DDX4: variants seen among roughly 807,000 people sequenced by gnomAD.
DDX4 encodes the protein probable ATP-dependent RNA helicase DDX4.
Under a neutral mutation model 100.0 loss-of-function variants are expected in DDX4, and 25 were observed. That is an observed-to-expected ratio of 0.25 (90% CI 0.18 to 0.35). The LOEUF is 0.35. Among genes scored for constraint, DDX4 ranks in the 10% least tolerant of loss-of-function variants. The pLI is 1.00. For synonymous variants in DDX4, 259 were observed against 275.7 expected, an observed-to-expected ratio of 0.94 and a Z score of 0.60; for missense variants, 635 against 882.4, an observed-to-expected ratio of 0.72 and a Z score of 3.55.
chr5:55,783,662 GATGGATGGATGGATGAATGGATGGATGA>G (rs544324277), intron 10 of DDX4, among the ~76,000 whole-genome samples: 12,502 of 147,952 alleles, frequency 0.085, 981 homozygotes, highest in East Asian at 0.27. Context: ...TGGATGGATG[GATGGATGGATGGATGAATGGATGGATGA>G]ATGGATGGAT....
intron 7 of DDX4, chr5:55,773,063 C>T (rs1355891413): frequency 6.6e-6 from 1 of 152,192 alleles, no homozygotes; most frequent in Non-Finnish European, 1.5e-5. Flanking sequence ...TTGTAAACAA[C>T]AGAAATTTAT....
intron 18 of DDX4, among the ~76,000 whole-genome samples, chr5:55,811,295 T>C (rs561831838): frequency 1.3e-5 from 2 of 152,296 alleles, no homozygotes; most frequent in African/African-American, 4.8e-5. Flanking sequence ...TTATCTTTCA[T>C]TGTGCTTTTT....
In DDX4 at chr5:55,816,658, CACTCCT is replaced by C; in HGVS notation, c.*121_*126del. 2 of 1,447,626 alleles carry C rather than the reference CACTCCT, an allele frequency of 1.4e-6. No individual in the cohort carries two copies. Among genetic ancestry groups the C allele is most frequent in the Non-Finnish European group, 9.1e-7 (1 of 1,095,474 alleles). 89.7% of individuals were successfully genotyped at this position (1,447,626 alleles called of 1,614,324 possible). On this transcript the variant is annotated 3_prime_UTR_variant, in exon 22 of 22. Transcript: ENST00000505374. Reference sequence around the variant, plus strand: ...CTCATAGCTCCTGTCCTTGTATTCTCACTCCTACACTTAAAAAAAAAATCCTTACTG... The same window carrying C: ...CTCATAGCTCCTGTCCTTGTATTCTCACACTTAAAAAAAAAATCCTTACTG...
intron 15 of DDX4, among the ~76,000 whole-genome samples, chr5:55,789,738 G>A (rs751838028): frequency 1.3e-5 from 2 of 152,134 alleles, no homozygotes; most frequent in Non-Finnish European, 2.9e-5. Flanking sequence ...AATGAAACAC[G>A]GGATTCTTCT....
At position 55,763,164 on chromosome 5, in the gene DDX4, C is replaced by G. The variant is rs3761776; in HGVS notation, c.206-11C>G. 4 of 1,586,816 alleles carry G rather than the reference C, an allele frequency of 2.5e-6. No homozygotes were observed. Among genetic ancestry groups the G allele is most frequent in the Middle Eastern group, 1.7e-4 (1 of 5,974 alleles). ...ATATGTTAAAGAGTTTAACTGTCCACCCTTTTTCAGATGCTGGTGAGTGTA... is the reference window on the plus strand; with the variant it reads ...ATATGTTAAAGAGTTTAACTGTCCAGCCTTTTTCAGATGCTGGTGAGTGTA... On this transcript the variant is annotated splice_polypyrimidine_tract_variant and intron_variant, in intron 4 of 21. Transcript: ENST00000505374.
chr5:55,773,340 A>T (rs914965599), intron 7 of DDX4: 4 of 152,348 alleles, frequency 2.6e-5, no homozygotes, highest in African/African-American at 9.6e-5. Context: ...ATCATGGCTA[A>T]TGCTGCCGTA....
chr5:55,816,434 C>CTTTTT, intron 21 of DDX4, 29 bp from the exon 22 acceptor site: 1 of 1,441,502 alleles, frequency 6.9e-7, no homozygotes. Context: ...TTGTTTGTTT[C>CTTTTT]TTTTTTTTTT....
intron 12 of DDX4, 53 bp from the exon 13 acceptor site, chr5:55,785,676 T>C (rs1561502106): frequency 1.5e-5 from 23 of 1,505,296 alleles, no homozygotes; most frequent in Non-Finnish European, 1.9e-5. Flanking sequence ...TTTTCTCTTA[T>C]ATTTTCTTGT....
intron 5 of DDX4, 23 bp from the exon 6 acceptor site, chr5:55,763,991 G>T: frequency 6.4e-7 from 1 of 1,572,090 alleles, no homozygotes; most frequent in Non-Finnish European, 8.7e-7. Context: ...ACAGGAAATT[G>T]TTTCATTTTA....
chr5:55,804,271 TTGCC>T (rs1743541083), intron 18 of DDX4, among the ~76,000 whole-genome samples: 2 of 151,940 alleles, frequency 1.3e-5, no homozygotes, highest in African/African-American at 4.8e-5. Context: ...GTTTTGTAGG[TTGCC>T]TGTTCACTCT....
chr5:55,779,731 G>A (rs960324023), intron 7 of DDX4, among the ~76,000 whole-genome samples: 2 of 152,056 alleles, frequency 1.3e-5, no homozygotes, highest in Non-Finnish European at 2.9e-5. Flanking sequence ...GTGATTTTTA[G>A]ACTTGATTCT....
intron 18 of DDX4, among the ~76,000 whole-genome samples, chr5:55,801,307 C>A (rs555397662): frequency 6.7e-6 from 1 of 149,190 alleles, no homozygotes; most frequent in South Asian, 2.1e-4. Flanking sequence ...TGGCCCAAGA[C>A]AATTCTCCTA....
chr5:55,766,764 C>T (rs967042492), intron 6 of DDX4: 2 of 684,020 alleles, frequency 2.9e-6, no homozygotes, highest in Non-Finnish European at 4.4e-6. Context: ...ACTTAATGTT[C>T]CCAGATATTA....
At chr5:55,768,840 ATC>A (rs533408391) in intron 7 of DDX4, among the ~76,000 whole-genome samples, 2 of 152,240 alleles carry the variant, frequency 1.3e-5, no homozygotes, top group South Asian at 4.1e-4. Context: ...GTGAGATGGT[ATC>A]TCATTGTGGT....
chr5:55,743,624 T>C (rs562312240), intron 2 of DDX4, among the ~76,000 whole-genome samples: 5 of 152,152 alleles, frequency 3.3e-5, no homozygotes, highest in Non-Finnish European at 7.3e-5. Flanking sequence ...GAGATGGGGT[T>C]ACACCATGTT....
Position 55,785,820 on chromosome 5 carries a change from C to T in DDX4, c.813C>T (p.Tyr271=), listed in dbSNP as rs146554855. 1.4e-5 allele frequency: 23 copies of T among 1,608,028 alleles called. No individual in the cohort carries two copies. In the East Asian group the frequency reaches 2.0e-4, roughly 14 times the overall value. ...AGACAGGCATAAACTTCGACAAATA[C>T]GACACTATTCTTGTGGAAGTGTCTG... The part of the protein sequence containing the change: ...HYQTGINFDK[Y]DTILVEVSGH... Residue 271 remains tyrosine, a synonymous_variant, in exon 13 of 22, where the codon TAC becomes TAT. Transcript: ENST00000505374.
At chr5:55,798,295 A>G (rs1580592457) in intron 17 of DDX4, 131 bp from the exon 18 acceptor site, 1 of 975,564 alleles carries the variant, frequency 1.0e-6, no homozygotes, top group East Asian at 2.6e-5. Flanking sequence ...GATATAAGTA[A>G]CCAACCATCT....
intron 13 of DDX4, among the ~76,000 whole-genome samples, chr5:55,786,128 A>G (rs966083503): frequency 2.0e-5 from 3 of 152,170 alleles, no homozygotes; most frequent in African/African-American, 7.2e-5. Flanking sequence ...TGCTTTTCCT[A>G]GTGATTCAAG....
intron 7 of DDX4, among the ~76,000 whole-genome samples, chr5:55,779,079 TA>T (rs141136079): frequency 0.11 from 16,660 of 152,156 alleles, 1,043 homozygotes; most frequent in East Asian, 0.15. Context: ...AAGAGAAGCA[TA>T]GGGCAAAAGA....
Sources: allele counts gnomAD v4.1 joint callset (sites outside exome capture counted in the v4.1 genomes callset), GRCh38; gene constraint gnomAD v4.1.1; transcripts MANE v1.5; gene names NCBI Gene and HGNC (gene_info 2026-07-23, HGNC 2026-07-21).